Variants in SPAG16 observed in about 807,000 individuals in gnomAD.
The protein encoded by SPAG16 is sperm associated antigen 16.
Under a neutral mutation model 80.4 loss-of-function variants are expected in SPAG16, and 86 were observed. The ratio of observed to expected loss-of-function variants is 1.07; its 90% CI spans 0.90 to 1.28. The LOEUF (loss-of-function observed/expected upper bound fraction) is 1.28. Among genes scored for constraint, SPAG16 ranks in the 50% most tolerant of loss-of-function variants. SPAG16 has a pLI of 0.00. For synonymous variants in SPAG16, 294 were observed against 265.9 expected, an observed-to-expected ratio of 1.11 and a Z score of -1.03; for missense variants, 870 against 765.3, an observed-to-expected ratio of 1.14 and a Z score of -1.61.
chr2:214,390,240 G>A (rs1021125434), intron 15 of SPAG16, among the ~76,000 whole-genome samples: 5 of 149,610 alleles, frequency 3.3e-5, no homozygotes, highest in African/African-American at 9.9e-5. Flanking sequence ...CTCCAGAAAT[G>A]TTTTACTCTA....
intron 10 of SPAG16, among the ~76,000 whole-genome samples, chr2:213,793,653 G>A (rs1359082720): frequency 6.6e-6 from 1 of 152,170 alleles, no homozygotes; most frequent in African/African-American, 2.4e-5. Flanking sequence ...GTAAGCACTA[G>A]TAATAATTCA....
At chr2:214,031,895 C>A (rs971901212) in intron 13 of SPAG16, among the ~76,000 whole-genome samples, 2 of 152,088 alleles carry the variant, frequency 1.3e-5, no homozygotes, top group African/African-American at 4.8e-5. Flanking sequence ...TCACTAGAAC[C>A]AAGGGGGAAA....
chr2:213,879,257 T>C (rs569660614), intron 11 of SPAG16, among the ~76,000 whole-genome samples: 1 of 152,118 alleles, frequency 6.6e-6, no homozygotes. Flanking sequence ...GTCATTGATA[T>C]TCATTCTTCC....
chr2:214,138,281 A>C (rs940935405), intron 14 of SPAG16, among the ~76,000 whole-genome samples: 6 of 152,120 alleles, frequency 3.9e-5, no homozygotes, highest in African/African-American at 7.2e-5. Flanking sequence ...TGGGAGATAC[A>C]TGAGAGGTGG....
intron 13 of SPAG16, among the ~76,000 whole-genome samples, chr2:214,026,230 A>ACATACACGCATATATG (rs2048122768): frequency 1.3e-5 from 2 of 150,988 alleles, no homozygotes; most frequent in Non-Finnish European, 3.0e-5. Context: ...ATGCATATAT[A>ACATACACGCATATATG]TACATACACA....
At chr2:214,211,631 C>A (rs1184201445) in intron 15 of SPAG16, among the ~76,000 whole-genome samples, 2 of 152,140 alleles carry the variant, frequency 1.3e-5, no homozygotes, top group Non-Finnish European at 2.9e-5. Context: ...AATCCCAGCT[C>A]CCTGACTAGA....
chr2:214,046,029 T>A (rs1482675367), intron 13 of SPAG16, among the ~76,000 whole-genome samples: 1 of 151,998 alleles, frequency 6.6e-6, no homozygotes, highest in Non-Finnish European at 1.5e-5. Flanking sequence ...CTATAACTGA[T>A]ACCATAGAAA....
chr2:213,441,462 T>G (rs2070949665), intron 9 of SPAG16, among the ~76,000 whole-genome samples: 1 of 152,176 alleles, frequency 6.6e-6, no homozygotes, highest in Non-Finnish European at 1.5e-5. Context: ...GTATTTAGGA[T>G]TCCCAAAGAC....
At chr2:214,297,820 GCT>G (rs1694241882) in intron 15 of SPAG16, among the ~76,000 whole-genome samples, 1 of 142,874 alleles carries the variant, frequency 7.0e-6, no homozygotes, top group African/African-American at 2.7e-5. Flanking sequence ...GGGCTATTTG[GCT>G]CTTTTTTTTT....
chr2:213,821,239 T>C (rs577044488), intron 10 of SPAG16, among the ~76,000 whole-genome samples: 31 of 152,136 alleles, frequency 2.0e-4, no homozygotes, highest in Non-Finnish European at 4.4e-4. Flanking sequence ...TTCTTGCCTT[T>C]TATTCTTCTC....
chr2:213,336,652 A>C (rs78292578), intron 5 of SPAG16, among the ~76,000 whole-genome samples: 3,629 of 152,108 alleles, frequency 0.024, 62 homozygotes, highest in African/African-American at 0.039. Context: ...TAAGTAGAAC[A>C]CTGATCCATT....
At position 213,313,156 on chromosome 2, in the gene SPAG16, G is replaced by T. The variant is rs530569928; in HGVS notation, c.398+2979G>T. On this transcript the variant is annotated intron_variant, in intron 4 of 15. Transcript: ENST00000331683. ...ACTCTTCTACATAACATAAAAGTTA[G>T]CAAAAGCTAATTTTTGCTATGTTAC... Among the ~76,000 whole-genome samples, 257 of 151,810 alleles carry T rather than the reference G, an allele frequency of 1.7e-3. 1 individual carries two copies. The highest frequency in any genetic ancestry group is 5.8e-3 in the African/African-American group (241 of 41,484).
rs190511052 is a variant in SPAG16, at chr2:213,663,624, G to A, written c.1070+173534G>A. Reference sequence around the variant, plus strand: ...CTGTTTGATGCAATAGTTACATTCTGACAGTCTTCCACAAGAAACATTGAA... The same window carrying A: ...CTGTTTGATGCAATAGTTACATTCTAACAGTCTTCCACAAGAAACATTGAA... On this transcript the variant is annotated intron_variant, in intron 10 of 15. Coordinates refer to ENST00000331683, the MANE Select transcript of SPAG16 (RefSeq NM_024532.5). Among the ~76,000 whole-genome samples the A allele has an allele frequency of 8.7e-4, 132 of 152,126 alleles. 1 individual carries two copies. The South Asian group carries it at 0.013, about 15-fold the overall frequency.
chr2:214,130,505 C>T (rs1559827969), intron 14 of SPAG16, among the ~76,000 whole-genome samples: 1 of 152,086 alleles, frequency 6.6e-6, no homozygotes, highest in Admixed American at 6.6e-5. Flanking sequence ...CAGAGTGATG[C>T]CAAACTGTAA....
chr2:214,346,976 T>C (rs563946399), intron 15 of SPAG16, among the ~76,000 whole-genome samples: 1 of 152,328 alleles, frequency 6.6e-6, no homozygotes, highest in African/African-American at 2.4e-5. Context: ...TTGGGGTTTG[T>C]CATATTTCAG....
chr2:214,293,130 G>A (rs1324277255), intron 15 of SPAG16, among the ~76,000 whole-genome samples: 3 of 152,156 alleles, frequency 2.0e-5, no homozygotes, highest in African/African-American at 7.2e-5. Context: ...GCCAATTCTT[G>A]GGCCCCCAGA....
intron 10 of SPAG16, among the ~76,000 whole-genome samples, chr2:213,809,176 T>C (rs531114111): frequency 1.3e-5 from 2 of 152,188 alleles, no homozygotes; most frequent in African/African-American, 4.8e-5. Flanking sequence ...GGGAATACAT[T>C]GGATTTATGT....
intron 13 of SPAG16, among the ~76,000 whole-genome samples, chr2:214,046,647 A>G (rs1304647570): frequency 6.6e-6 from 1 of 152,188 alleles, no homozygotes; most frequent in Non-Finnish European, 1.5e-5. Context: ...AAGGATGCCT[A>G]CTTTCACCGT....
At chr2:213,285,987 C>G in intron 1 of SPAG16, 1 of 1,111,648 alleles carries the variant, frequency 9.0e-7, no homozygotes, top group African/African-American at 1.6e-5. Context: ...TAATTGTTAA[C>G]ATGAGATTGA....
Sources: allele counts gnomAD v4.1 joint callset (sites outside exome capture counted in the v4.1 genomes callset), GRCh38; gene constraint gnomAD v4.1.1; transcripts MANE v1.5; gene names NCBI Gene and HGNC (gene_info 2026-07-23, HGNC 2026-07-21).